WASHC5: variants seen among roughly 807,000 people sequenced by gnomAD.
WASHC5 encodes WASH complex subunit 5.
A neutral mutation model predicts 150.4 loss-of-function variants in WASHC5; 101 were observed. The ratio of observed to expected loss-of-function variants is 0.67; its 90% CI spans 0.57 to 0.79. The LOEUF (loss-of-function observed/expected upper bound fraction) is 0.79, where lower values mean the gene tolerates loss of function less well. Among genes scored for constraint, WASHC5 ranks in the 30% least tolerant of loss-of-function variants. The probability of loss-of-function intolerance (pLI) is 0.00; values close to 1 mark genes in which losing one functional copy is unlikely to be tolerated. For synonymous variants in WASHC5, 467 were observed against 491.2 expected, an observed-to-expected ratio of 0.95 and a Z score of 0.65; for missense variants, 1,195 against 1,396.3, an observed-to-expected ratio of 0.86 and a Z score of 2.30.
intron 27 of WASHC5, 91 bp downstream of exon 27, chr8:125,032,150 T>A: frequency 7.0e-7 from 1 of 1,432,930 alleles, no homozygotes; most frequent in Non-Finnish European, 9.8e-7. Flanking sequence ...TTCCCATCTC[T>A]ATTAGGGCGA....
At chr8:125,080,773 G>T (rs1817234376) in intron 5 of WASHC5, among the ~76,000 whole-genome samples, 1 of 152,192 alleles carries the variant, frequency 6.6e-6, no homozygotes, top group African/African-American at 2.4e-5. Context: ...ACTTCCTGAA[G>T]AATCACAGTT....
chr8:125,046,769 C>T (rs78957452), intron 20 of WASHC5, among the ~76,000 whole-genome samples: 1 of 151,934 alleles, frequency 6.6e-6, no homozygotes. Flanking sequence ...AGCTAAGAAT[C>T]GTTTTGTGGA....
At chr8:125,063,879 T>G (rs1201705699) in intron 10 of WASHC5, among the ~76,000 whole-genome samples, 1 of 152,096 alleles carries the variant, frequency 6.6e-6, no homozygotes, top group Non-Finnish European at 1.5e-5. Flanking sequence ...CAACAGCACA[T>G]AAGCACCACC....
intron 26 of WASHC5, 90 bp from the exon 27 acceptor site, chr8:125,032,484 G>C: frequency 7.1e-7 from 1 of 1,415,410 alleles, no homozygotes. Context: ...AAAATGTTTG[G>C]GGCCCATATT....
At position 125,055,404 on chromosome 8, in the gene WASHC5, CAG is replaced by C. The variant is rs3860840; in HGVS notation, c.2097+185_2097+186del. Among the ~76,000 whole-genome samples, 16,507 of 151,640 alleles carry C rather than the reference CAG, an allele frequency of 0.11. 2,090 individuals carry two copies. Among genetic ancestry groups the C allele is most frequent in the African/African-American group, 0.31 (12,593 of 41,276 alleles). On this transcript the variant is annotated intron_variant, in intron 17 of 28. Transcript: ENST00000318410. ...CACCACTGCACTCCAGCCTGGGCAA[CAG>C]AGAGAGAGAGACTCTGTCTCAAAAA...
chr8:125,037,265 C>A lies in WASHC5; in HGVS notation c.3153G>T (p.Leu1051Phe), dbSNP rs537707907. 6.2e-7 allele frequency: 1 copy of A among 1,610,956 alleles called. No individual in the cohort carries two copies. The highest frequency in any genetic ancestry group is 8.5e-7 in the Non-Finnish European group (1 of 1,177,336). The change falls in exon 26 of 29, where the codon TTG becomes TTT. Residue 1051 changes from leucine (L) to phenylalanine (F), a missense_variant. Physicochemically the swap from Leu to Phe is conservative, Grantham distance 22 (BLOSUM62 0). This residue lies in a region of WASHC5 where 997 missense variants were observed against 1,168.1 expected (regional missense o/e 0.85). Transcript: ENST00000318410. ...GATTTTTGTTGTATTGAAGTTTTGG[C>A]AACTGAGCGATCAAAAATAGAAAGT... ...IVNFLFLIAQ[L>F]PKLQYNKNLG...
chr8:125,047,830 G>T (rs2130040312), intron 19 of WASHC5, among the ~76,000 whole-genome samples: 1 of 152,038 alleles, frequency 6.6e-6, no homozygotes, highest in Admixed American at 6.5e-5. Context: ...GATTACAGGT[G>T]TGAGTCACTG....
intron 19 of WASHC5, 92 bp from the exon 20 acceptor site, chr8:125,047,423 TAA>T (rs1816101128): frequency 7.8e-7 from 1 of 1,286,300 alleles, no homozygotes; most frequent in Non-Finnish European, 1.1e-6. Flanking sequence ...TAATATTGCA[TAA>T]AGAGTGACAA....
At chr8:125,033,493 A>G (rs550072150) in intron 26 of WASHC5, among the ~76,000 whole-genome samples, 31 of 152,308 alleles carry the variant, frequency 2.0e-4, no homozygotes, top group African/African-American at 7.0e-4. Flanking sequence ...AGCAAAGACT[A>G]CAGAACTGTA....
chr8:125,087,826 C>G (rs902376314), intron 1 of WASHC5, among the ~76,000 whole-genome samples: 1 of 150,874 alleles, frequency 6.6e-6, no homozygotes, highest in South Asian at 2.1e-4. Context: ...AGAGTGATTA[C>G]AAAATACAGA....
chr8:125,049,221 G>C, intron 18 of WASHC5, 36 bp from the exon 19 acceptor site: 1 of 1,605,304 alleles, frequency 6.2e-7, no homozygotes, highest in South Asian at 1.1e-5. Flanking sequence ...TCTTACACTG[G>C]AGTAGATTGT....
At position 125,061,066 on chromosome 8, in the gene WASHC5, A is replaced by G. The variant is rs893913840; in HGVS notation, c.1521+16T>C. 6.8e-7 allele frequency: 1 copy of G among 1,469,702 alleles called. No individual in the cohort carries two copies. The highest frequency in any genetic ancestry group is 1.1e-5 in the South Asian group (1 of 87,962). 91.0% of individuals were successfully genotyped at this position (1,469,702 alleles called of 1,614,324 possible). On this transcript the variant is annotated intron_variant, in intron 12 of 28. Coordinates refer to ENST00000318410, the MANE Select transcript of WASHC5 (RefSeq NM_014846.4). ...TTCATGATCCAAGAACCTGCATTTA[A>G]AAAGCGTTTCCTTACCTCTTCCAAA...
At chr8:125,081,633 C>T (rs371134832) in intron 5 of WASHC5, 28 bp downstream of exon 5, 26 of 1,304,300 alleles carry the variant, frequency 2.0e-5, no homozygotes, top group African/African-American at 4.4e-5. Context: ...AGCAGCGTTT[C>T]GGAAGTGTAG....
intron 20 of WASHC5, among the ~76,000 whole-genome samples, chr8:125,045,521 T>C (rs976788914): frequency 6.6e-6 from 1 of 152,216 alleles, no homozygotes; most frequent in Non-Finnish European, 1.5e-5. Flanking sequence ...CTTCCATTCC[T>C]GACGAATCTG....
At chr8:125,039,015 G>A in intron 24 of WASHC5, 56 bp from the exon 25 acceptor site, 1 of 1,556,924 alleles carries the variant, frequency 6.4e-7, no homozygotes, top group Non-Finnish European at 8.8e-7. Flanking sequence ...ATTTATACAA[G>A]AGTTAATATA....
intron 10 of WASHC5, among the ~76,000 whole-genome samples, chr8:125,066,385 T>G (rs1816744969): frequency 6.6e-6 from 1 of 152,208 alleles, no homozygotes; most frequent in Non-Finnish European, 1.5e-5. Flanking sequence ...GATGAGGATC[T>G]GTTCCGAATG....
At chr8:125,065,619 C>CTTT (rs780278604) in intron 10 of WASHC5, among the ~76,000 whole-genome samples, 1 of 130,740 alleles carries the variant, frequency 7.6e-6, no homozygotes, top group Non-Finnish European at 1.6e-5. Context: ...TCTTTCATTC[C>CTTT]TTTTTTTTTT....
intron 9 of WASHC5, among the ~76,000 whole-genome samples, chr8:125,068,449 C>T (rs1196563322): frequency 6.6e-6 from 1 of 152,172 alleles, no homozygotes; most frequent in African/African-American, 2.4e-5. Context: ...TGTGGGACTC[C>T]ACTGGGAGAG....
intron 1 of WASHC5, among the ~76,000 whole-genome samples, chr8:125,091,233 T>C (rs1817625168): frequency 6.6e-6 from 1 of 152,044 alleles, no homozygotes. Context: ...TCACAGCCCA[T>C]GGCATAACTA....
Sources: allele counts gnomAD v4.1 joint callset (sites outside exome capture counted in the v4.1 genomes callset), GRCh38; gene constraint gnomAD v4.1.1; regional missense constraint gnomAD v4.1.1; transcripts MANE v1.5; gene names NCBI Gene and HGNC (gene_info 2026-07-23, HGNC 2026-07-21).